Variants in DAPK1 observed in about 807,000 individuals in gnomAD.
The protein encoded by DAPK1 is death associated protein kinase 1.
In DAPK1, 56 loss-of-function variants were observed where a neutral mutation model predicts 144.9. The observed-to-expected ratio is 0.39, with a 90% confidence interval of 0.31 to 0.48. The LOEUF is 0.48. Ranked by LOEUF, DAPK1 falls within the 20% of genes least tolerant of loss-of-function variation. DAPK1 has a pLI of 0.95. For missense variants in DAPK1, 1,454 were observed against 1,875.4 expected, an observed-to-expected ratio of 0.78 and a Z score of 4.15; for synonymous variants, 690 against 749.0, an observed-to-expected ratio of 0.92 and a Z score of 1.29.
At position 87,552,753 on chromosome 9, in the gene DAPK1, C is replaced by G. The variant is rs531005712; in HGVS notation, c.63-52201C>G. ...ACTATAGACATGCCCCACTGTACCC[C>G]GTTAATTTTTTTTTTTTTTTAAGAT... On this transcript the variant is annotated intron_variant, in intron 2 of 25. Coordinates refer to ENST00000408954, the MANE Select transcript of DAPK1 (RefSeq NM_004938.4). Among the ~76,000 whole-genome samples the G allele has an allele frequency of 3.9e-4, 49 of 126,498 alleles. 1 individual carries two copies. The Middle Eastern group carries it at 0.031, about 80-fold the overall frequency. 83.0% of individuals were successfully genotyped at this position (126,498 alleles called of 152,430 possible). A position where few individuals can be genotyped will look rare whatever the true frequency, so the allele number is the denominator to read the frequency against.
At chr9:87,607,390 C>T (rs1828768798) in intron 3 of DAPK1, among the ~76,000 whole-genome samples, 1 of 152,148 alleles carries the variant, frequency 6.6e-6, no homozygotes, top group South Asian at 2.1e-4. Context: ...CCAGGTTGTG[C>T]CCAGTGACTC....
rs1306802259 is a variant in DAPK1 at position 87,649,932 on chromosome 9, C to G, written c.1440C>G (p.Thr480=). 6.2e-7 allele frequency: 1 copy of G among 1,614,124 alleles called. No individual in the cohort carries two copies. Among genetic ancestry groups the G allele is most frequent in the Non-Finnish European group, 8.5e-7 (1 of 1,180,008 alleles). ...NPNIQDKEEE[T]PLHCAAWHGY... ...GTCTCCTTGGCCAGGAAGAAGAAAC[C>G]CCCCTGCACTGTGCTGCTTGGCACG... Residue 480 remains threonine (T), a synonymous_variant, in exon 16 of 26, where the codon ACC becomes ACG. Transcript: ENST00000408954.
At chr9:87,526,404 A>G (rs1047968809) in intron 2 of DAPK1, among the ~76,000 whole-genome samples, 1 of 152,194 alleles carries the variant, frequency 6.6e-6, no homozygotes, top group Non-Finnish European at 1.5e-5. Flanking sequence ...CAGAAATAGA[A>G]TCATGGCATA....
At chr9:87,551,954 C>G (rs1826503143) in intron 2 of DAPK1, among the ~76,000 whole-genome samples, 1 of 152,200 alleles carries the variant, frequency 6.6e-6, no homozygotes, top group Non-Finnish European at 1.5e-5. Context: ...AGATCAACAA[C>G]TACACTCTAG....
At chr9:87,512,033 C>T (rs546093341) in intron 2 of DAPK1, among the ~76,000 whole-genome samples, 2 of 142,352 alleles carry the variant, frequency 1.4e-5, no homozygotes, top group African/African-American at 5.2e-5. Flanking sequence ...TTCTAGCTTG[C>T]TTTTTCAAGA....
intron 1 of DAPK1, chr9:87,498,417 G>A (rs1251485375): frequency 1.6e-5 from 5 of 312,298 alleles, no homozygotes; most frequent in African/African-American, 8.6e-5. Context: ...GCGGCCGCAC[G>A]CCGGGTCGGC....
chr9:87,689,100 AT>A (rs924498399), intron 21 of DAPK1, among the ~76,000 whole-genome samples: 73 of 150,062 alleles, frequency 4.9e-4, no homozygotes, highest in African/African-American at 1.3e-3. Flanking sequence ...TTTATCTTGA[AT>A]TTTTTTTTTA....
chr9:87,647,235 G>C, intron 13 of DAPK1, 70 bp from the exon 14 acceptor site: 2 of 1,213,418 alleles, frequency 1.6e-6, no homozygotes, highest in South Asian at 2.4e-5. Flanking sequence ...ATAACAGTGA[G>C]TCTGAGGAAT....
At chr9:87,541,931 C>T (rs1041326) in intron 2 of DAPK1, among the ~76,000 whole-genome samples, 22,049 of 152,140 alleles carry the variant, frequency 0.14, 1,686 homozygotes, top group Admixed American at 0.17. Flanking sequence ...CTTTGTTCAT[C>T]TTGAAAATGG....
intron 21 of DAPK1, among the ~76,000 whole-genome samples, chr9:87,696,690 T>C (rs900431375): frequency 1.3e-5 from 2 of 152,030 alleles, no homozygotes; most frequent in African/African-American, 4.8e-5. Flanking sequence ...ACTAATCCAC[T>C]CTCACAAGAG....
At chr9:87,638,212 T>C (rs1829969952) in intron 4 of DAPK1, 131 bp downstream of exon 4, 2 of 990,370 alleles carry the variant, frequency 2.0e-6, no homozygotes, top group South Asian at 3.9e-5. Flanking sequence ...AACAGAAATA[T>C]CACTATAAAT....
chr9:87,588,711 T>G (rs1828021834), intron 2 of DAPK1, among the ~76,000 whole-genome samples: 1 of 152,232 alleles, frequency 6.6e-6, no homozygotes, highest in Admixed American at 6.5e-5. Flanking sequence ...AATATGGATT[T>G]ATTTTAAGTT....
chr9:87,672,957 G>A (rs1180030684), intron 19 of DAPK1, among the ~76,000 whole-genome samples: 1 of 152,110 alleles, frequency 6.6e-6, no homozygotes, highest in African/African-American at 2.4e-5. Flanking sequence ...ACATGATCGG[G>A]GAGGGGAAGG....
chr9:87,703,633 A>G (rs1825534636), intron 25 of DAPK1, among the ~76,000 whole-genome samples: 1 of 152,192 alleles, frequency 6.6e-6, no homozygotes, highest in South Asian at 2.1e-4. Flanking sequence ...CAGTTGAGAA[A>G]AGGCAGTGAG....
At chr9:87,571,519 ACACACACACC>A in intron 2 of DAPK1, among the ~76,000 whole-genome samples, 1 of 140,330 alleles carries the variant, frequency 7.1e-6, no homozygotes, top group Non-Finnish European at 1.6e-5. Context: ...ACACACACAC[ACACACACACC>A]AGAAGCGAAG....
intron 2 of DAPK1, among the ~76,000 whole-genome samples, chr9:87,516,041 G>T (rs74337059): frequency 7.4e-4 from 112 of 152,266 alleles, no homozygotes; most frequent in African/African-American, 2.4e-3. Flanking sequence ...ACAGTTATGG[G>T]CTTGTATCCC....
chr9:87,580,757 A>G (rs888333), intron 2 of DAPK1, among the ~76,000 whole-genome samples: 66,181 of 152,024 alleles, frequency 0.44, 15,112 homozygotes, highest in East Asian at 0.74. Context: ...ATAGTGATTA[A>G]ATTGCCCCTG....
chr9:87,692,211 T>C (rs570978162), intron 21 of DAPK1, among the ~76,000 whole-genome samples: 2 of 150,480 alleles, frequency 1.3e-5, no homozygotes, highest in East Asian at 4.0e-4. Flanking sequence ...TCTTGCTGAA[T>C]TGATCCCTTT....
chr9:87,573,379 C>T (rs1827433735), intron 2 of DAPK1, among the ~76,000 whole-genome samples: 1 of 152,228 alleles, frequency 6.6e-6, no homozygotes, highest in South Asian at 2.1e-4. Flanking sequence ...TGGATGGAAA[C>T]CCTGCTCCCT....
Sources: allele counts gnomAD v4.1 joint callset (sites outside exome capture counted in the v4.1 genomes callset), GRCh38; gene constraint gnomAD v4.1.1; transcripts MANE v1.5; gene names NCBI Gene and HGNC (gene_info 2026-07-23, HGNC 2026-07-21).